The following INPP5D variants were observed in gnomAD, a reference collection of about 807,000 sequenced individuals.
INPP5D encodes phosphatidylinositol 3,4,5-trisphosphate 5-phosphatase 1.
In INPP5D, 33 loss-of-function variants were observed where a neutral mutation model predicts 122.9. The observed-to-expected ratio is 0.27, with a 90% confidence interval of 0.20 to 0.36. INPP5D has a LOEUF of 0.36. Among genes scored for constraint, INPP5D ranks in the 10% least tolerant of loss-of-function variants. INPP5D has a pLI of 1.00. For synonymous variants in INPP5D, 584 were observed against 576.2 expected (o/e 1.01, Z -0.19); for missense variants, 1,053 against 1,412.7 (o/e 0.75, Z 4.08).
intron 1 of INPP5D, among the ~76,000 whole-genome samples, chr2:233,074,977 C>A (rs780237937): frequency 6.6e-6 from 1 of 152,186 alleles, no homozygotes; most frequent in African/African-American, 2.4e-5. Context: ...GATGATGTTT[C>A]TTCCTACTTC....
At chr2:233,073,606 C>T (rs1691439510) in intron 1 of INPP5D, among the ~76,000 whole-genome samples, 1 of 143,620 alleles carries the variant, frequency 7.0e-6, no homozygotes, top group Admixed American at 7.2e-5. Flanking sequence ...AGCCATTGCA[C>T]TCCAGCCTGG....
At chr2:233,163,265 C>T (rs1228762830) in intron 11 of INPP5D, among the ~76,000 whole-genome samples, 2 of 152,166 alleles carry the variant, frequency 1.3e-5, no homozygotes, top group African/African-American at 4.8e-5. Context: ...CCAGGCATCC[C>T]TCCGCTCTGG....
rs906723310 is a variant in INPP5D, at chr2:233,189,443, C to A, written c.2359-407C>A. Among the ~76,000 whole-genome samples, 2 of 152,166 alleles carry A rather than the reference C, an allele frequency of 1.3e-5. No individual in the cohort carries two copies. The highest frequency in any genetic ancestry group is 2.9e-5 in the Non-Finnish European group (2 of 68,024). ...TCTGTGCTCTGTAGGGGGAGCCTGGCGCAGGGTGGAGTGCATGGATCATTC... is the reference window on the plus strand; with the variant it reads ...TCTGTGCTCTGTAGGGGGAGCCTGGAGCAGGGTGGAGTGCATGGATCATTC... On this transcript the variant is annotated intron_variant, in intron 21 of 26. Transcript: ENST00000445964. This position sits in a 1 kb window ranked among gnomAD's most constrained non-coding sequence, Gnocchi z 5.6.
rs1464938622 is a variant in INPP5D, at chr2:233,100,198, G to A, written c.198+20800G>A. Among the ~76,000 whole-genome samples the A allele has an allele frequency of 2.6e-5, 4 of 152,110 alleles. No individual in the cohort carries two copies. The highest frequency in any genetic ancestry group is 2.9e-5 in the Non-Finnish European group (2 of 68,018). Reference sequence around the variant, plus strand: ...TTTGATGTGTCACCATCCCCACCTCGCCCTGTCGCCTCACTCGCAGCCTGT... The same window carrying A: ...TTTGATGTGTCACCATCCCCACCTCACCCTGTCGCCTCACTCGCAGCCTGT... On this transcript the variant is annotated intron_variant, in intron 2 of 26. Coordinates refer to ENST00000445964, the MANE Select transcript of INPP5D (RefSeq NM_001017915.3). This position sits in a 1 kb window ranked among gnomAD's most constrained non-coding sequence, Gnocchi z 5.3.
intron 25 of INPP5D, 61 bp downstream of exon 25, chr2:233,198,437 G>C (rs1171917207): frequency 6.5e-7 from 1 of 1,540,042 alleles, no homozygotes; most frequent in Non-Finnish European, 8.7e-7. Flanking sequence ...CTGGGCTTTG[G>C]GCTTTCACCC....
chr2:233,180,263 A>G (rs1694748147), intron 18 of INPP5D, among the ~76,000 whole-genome samples: 1 of 151,940 alleles, frequency 6.6e-6, no homozygotes, highest in Non-Finnish European at 1.5e-5. Context: ...TGGGTCTTTG[A>G]GGGTCACCCA....
rs1479715594 is a variant in INPP5D, at chr2:233,197,046, C to A, written c.2694-1049C>A. Among the ~76,000 whole-genome samples the A allele has an allele frequency of 6.6e-6, 1 of 151,496 alleles. No individual in the cohort carries two copies. Among genetic ancestry groups the A allele is most frequent in the Non-Finnish European group, 1.5e-5 (1 of 67,794 alleles). Reference sequence around the variant, plus strand: ...CAGGATCAGTGTAGGGAAACAAATTCTTTTCCATTTTGACTAGCATGAGAA... The same window carrying A: ...CAGGATCAGTGTAGGGAAACAAATTATTTTCCATTTTGACTAGCATGAGAA... On this transcript the variant is annotated intron_variant, in intron 24 of 26. Transcript: ENST00000445964. This position sits in a 1 kb window ranked among gnomAD's most constrained non-coding sequence, Gnocchi z 4.4.
At chr2:233,093,457 G>A (rs1692041610) in intron 2 of INPP5D, among the ~76,000 whole-genome samples, 1 of 152,126 alleles carries the variant, frequency 6.6e-6, no homozygotes, top group Non-Finnish European at 1.5e-5. Flanking sequence ...GAGGCAGGCA[G>A]ATCATTTGAG....
At chr2:233,135,028 C>T (rs1693430555) in intron 5 of INPP5D, among the ~76,000 whole-genome samples, 1 of 151,908 alleles carries the variant, frequency 6.6e-6, no homozygotes, top group African/African-American at 2.4e-5. Flanking sequence ...GAGGTGCTAC[C>T]TGTAGCTGGC....
At chr2:233,195,214 C>T (rs191887948) in intron 23 of INPP5D, among the ~76,000 whole-genome samples, 185 bp from the exon 24 acceptor site, 394 of 149,740 alleles carry the variant, frequency 2.6e-3, no homozygotes, top group African/African-American at 9.3e-3. Flanking sequence ...TGTGGATCCA[C>T]TGCAGGCATA....
At chr2:233,203,910 G>A (rs1398559750) in intron 25 of INPP5D, among the ~76,000 whole-genome samples, 1 of 152,096 alleles carries the variant, frequency 6.6e-6, no homozygotes, top group Non-Finnish European at 1.5e-5. Flanking sequence ...CCGCACCACT[G>A]CACTCCAGCC....
At chr2:233,125,561 C>T (rs1484584688) in intron 3 of INPP5D, among the ~76,000 whole-genome samples, 184 bp from the exon 4 acceptor site, 3 of 152,186 alleles carry the variant, frequency 2.0e-5, no homozygotes, top group African/African-American at 7.2e-5. Context: ...GTGGGGCAGA[C>T]ACTGCACTAG....
At chr2:233,168,392 G>A (rs1014806728) in intron 13 of INPP5D, among the ~76,000 whole-genome samples, 2 of 152,218 alleles carry the variant, frequency 1.3e-5, no homozygotes, top group Non-Finnish European at 2.9e-5. Context: ...GACAGAGCAG[G>A]TTCTCACCTG....
At chr2:233,121,114 TTTCTTTC>T (rs1320990551) in intron 2 of INPP5D, among the ~76,000 whole-genome samples, 12 of 133,718 alleles carry the variant, frequency 9.0e-5, no homozygotes, top group Non-Finnish European at 1.5e-4. Flanking sequence ...TCTTTCTTTC[TTTCTTTC>T]TTTTTTTTTT....
intron 18 of INPP5D, among the ~76,000 whole-genome samples, chr2:233,180,622 G>A (rs897762162): frequency 2.0e-5 from 3 of 152,110 alleles, no homozygotes; most frequent in East Asian, 1.9e-4. Flanking sequence ...TCACTGCAAC[G>A]TCAGCCTCCC....
At chr2:233,062,277 T>C (rs1054832111) in intron 1 of INPP5D, among the ~76,000 whole-genome samples, 3 of 152,140 alleles carry the variant, frequency 2.0e-5, no homozygotes, top group Non-Finnish European at 4.4e-5. Context: ...AGGGCTTGCT[T>C]TGTGGTTGCT....
intron 4 of INPP5D, among the ~76,000 whole-genome samples, chr2:233,130,191 A>C (rs1225713311): frequency 6.6e-6 from 1 of 152,148 alleles, no homozygotes; most frequent in Non-Finnish European, 1.5e-5. Flanking sequence ...CACCATGCCC[A>C]GCCTTGGTCT....
In INPP5D at chr2:233,166,128, G is replaced by A. The variant is rs10182902; in HGVS notation, c.1555+1704G>A. ...CACAGTAGAAGGGTGGGGCTGGCGTGGCTATCCTGGCTGCGCCCACGCCCT... is the reference window on the plus strand; with the variant it reads ...CACAGTAGAAGGGTGGGGCTGGCGTAGCTATCCTGGCTGCGCCCACGCCCT... On this transcript the variant is annotated intron_variant, in intron 13 of 26. Coordinates refer to ENST00000445964, the MANE Select transcript of INPP5D (RefSeq NM_001017915.3). Among the ~76,000 whole-genome samples, 725 of 152,300 alleles carry A rather than the reference G, an allele frequency of 4.8e-3. 7 individuals are homozygous for A. Among genetic ancestry groups the A allele is most frequent in the African/African-American group, 0.016 (669 of 41,566 alleles).
At chr2:233,086,106 G>A (rs1691824350) in intron 2 of INPP5D, among the ~76,000 whole-genome samples, 1 of 140,766 alleles carries the variant, frequency 7.1e-6, no homozygotes, top group Non-Finnish European at 1.6e-5. Context: ...AACAGACATA[G>A]GGATAAGATA....
Sources: allele counts gnomAD v4.1 joint callset (sites outside exome capture counted in the v4.1 genomes callset), GRCh38; gene constraint gnomAD v4.1.1; non-coding constraint Gnocchi (gnomAD v3.1); transcripts MANE v1.5; gene names NCBI Gene and HGNC (gene_info 2026-07-23, HGNC 2026-07-21).